Variants in ANO3 observed in about 807,000 individuals in gnomAD.
ANO3 encodes anoctamin-3.
A neutral mutation model predicts 144.8 loss-of-function variants in ANO3; 99 were observed. That is an observed-to-expected ratio of 0.68 (90% CI 0.58 to 0.81). The LOEUF (loss-of-function observed/expected upper bound fraction) is 0.81, where lower values mean the gene tolerates loss of function less well. ANO3 is among the 30% of genes least tolerant of loss of function. The pLI, the probability that ANO3 is intolerant of heterozygous loss-of-function variation, is 0.00. For missense variants in ANO3, 905 were observed against 1,202.2 expected (o/e 0.75, Z 3.66); for synonymous variants, 414 against 392.6 (o/e 1.05, Z -0.64).
chr11:26,388,535 A>G (rs1856793066), intron 1 of ANO3, among the ~76,000 whole-genome samples: 1 of 152,224 alleles, frequency 6.6e-6, no homozygotes, highest in African/African-American at 2.4e-5. Context: ...TTTAAATATA[A>G]CAGGCAATAA....
At chr11:26,297,186 T>G (rs113715149) in intron 1 of ANO3, among the ~76,000 whole-genome samples, 67 of 147,316 alleles carry the variant, frequency 4.5e-4, no homozygotes, top group Middle Eastern at 3.5e-3. Flanking sequence ...AACCATTGCG[T>G]GTGTGTGTGT....
Position 26,358,274 on chromosome 11 carries a change from C to T in ANO3, c.46+25953C>T, listed in dbSNP as rs576556295. Among the ~76,000 whole-genome samples the T allele has an allele frequency of 5.4e-5, 8 of 148,490 alleles. No homozygotes were observed. In the East Asian group the frequency reaches 1.2e-3, roughly 22 times the overall value. ...GCAACCTCCGCCTCCTGGGTTCAAGCGATTCTCCTGCCTCAGCGTCCTGAG... is the reference window on the plus strand; with the variant it reads ...GCAACCTCCGCCTCCTGGGTTCAAGTGATTCTCCTGCCTCAGCGTCCTGAG... On this transcript the variant is annotated intron_variant, in intron 1 of 26. Coordinates refer to ENST00000256737, the MANE Select transcript of ANO3 (RefSeq NM_031418.4).
chr11:26,341,780 GA>G (rs1278209824), intron 1 of ANO3, among the ~76,000 whole-genome samples: 1 of 152,156 alleles, frequency 6.6e-6, no homozygotes, highest in Non-Finnish European at 1.5e-5. Flanking sequence ...AAAGGCCCGG[GA>G]ATCCCTGGCA....
At chr11:26,275,309 A>C (rs1853532636) in intron 1 of ANO3, among the ~76,000 whole-genome samples, 1 of 152,152 alleles carries the variant, frequency 6.6e-6, no homozygotes, top group African/African-American at 2.4e-5. Flanking sequence ...AGAGAAAATA[A>C]AGACATATTT....
chr11:26,488,130 C>T (rs1443662765), intron 4 of ANO3, among the ~76,000 whole-genome samples: 2 of 152,164 alleles, frequency 1.3e-5, no homozygotes, highest in African/African-American at 4.8e-5. Flanking sequence ...TGCACCACTG[C>T]ACTCCAGCCT....
At chr11:26,483,359 T>C (rs1439030777) in intron 4 of ANO3, among the ~76,000 whole-genome samples, 2 of 152,186 alleles carry the variant, frequency 1.3e-5, no homozygotes, top group Admixed American at 1.3e-4. Flanking sequence ...AAATCGCATG[T>C]TGAAATGTAA....
intron 1 of ANO3, among the ~76,000 whole-genome samples, chr11:26,204,066 A>G (rs1435215367): frequency 6.6e-6 from 1 of 152,094 alleles, no homozygotes; most frequent in Admixed American, 6.6e-5. Flanking sequence ...GAGTGCCCAA[A>G]TGCCATCTTT....
rs72278856 is a variant in ANO3 at position 26,535,571 on chromosome 11, C to CTTTTTTTTT, written c.976+1030_976+1038dup. On this transcript the variant is annotated intron_variant, in intron 9 of 26. Coordinates refer to ENST00000256737, the MANE Select transcript of ANO3 (RefSeq NM_031418.4). ...AATACACTATGTTTCAAGACAGCCA[C>CTTTTTTTTT]TTTTTTTTTTTTTTTTTTTTTTTTT... 1.3e-3 allele frequency among the ~76,000 whole-genome samples: 79 copies of CTTTTTTTTT among 58,610 alleles called. 6 individuals are homozygous for CTTTTTTTTT. Among genetic ancestry groups the CTTTTTTTTT allele is most frequent in the Admixed American group, 4.2e-3 (12 of 2,878 alleles). The allele number at this position is 58,610 out of a possible 152,430, so 38.5% of individuals were successfully genotyped here.
chr11:26,473,507 C>A (rs968974398), intron 4 of ANO3, among the ~76,000 whole-genome samples: 1 of 151,626 alleles, frequency 6.6e-6, no homozygotes, highest in African/African-American at 2.4e-5. Flanking sequence ...CTCCAGTGAA[C>A]AAGAAAATGA....
rs1392232508 is a variant in ANO3 at position 26,452,374 on chromosome 11, G to A, written c.313+8538G>A. 2.0e-5 allele frequency among the ~76,000 whole-genome samples: 3 copies of A among 152,280 alleles called. No individual in the cohort carries two copies. The South Asian group carries it at 6.2e-4, about 32-fold the overall frequency. On this transcript the variant is annotated intron_variant, in intron 3 of 26. Coordinates refer to ENST00000256737, the MANE Select transcript of ANO3 (RefSeq NM_031418.4). ...GTATAACTAGAATAACCAATACAGA[G>A]AAGTGCTTAAAGGAGCTGATGGAGC...
intron 1 of ANO3, among the ~76,000 whole-genome samples, chr11:26,379,636 A>T (rs779529892): frequency 2.6e-5 from 4 of 151,948 alleles, no homozygotes; most frequent in Non-Finnish European, 5.9e-5. Context: ...GCAAAAAAGA[A>T]AAAAAAATGA....
chr11:26,563,268 A>C (rs774787448), intron 14 of ANO3: 1 of 1,586,944 alleles, frequency 6.3e-7, no homozygotes, highest in Non-Finnish European at 8.5e-7. Flanking sequence ...TCTATTTTCT[A>C]CAGGACAAAA....
intron 5 of ANO3, among the ~76,000 whole-genome samples, chr11:26,515,589 T>G (rs1861831111): frequency 6.6e-6 from 1 of 151,978 alleles, no homozygotes; most frequent in Admixed American, 6.6e-5. Context: ...CTGCTTAGAA[T>G]TTGGGGCTAT....
At chr11:26,636,796 C>G (rs1852974013) in intron 20 of ANO3, among the ~76,000 whole-genome samples, 1 of 152,230 alleles carries the variant, frequency 6.6e-6, no homozygotes, top group Non-Finnish European at 1.5e-5. Context: ...TGATTGCTGG[C>G]TCACACTTCT....
chr11:26,189,437 G>A, intron 1 of ANO3: 2 of 615,742 alleles, frequency 3.2e-6, no homozygotes, highest in Non-Finnish European at 4.1e-6. Flanking sequence ...ATTTTCTGGT[G>A]GTATAGCTGA....
At chr11:26,512,369 C>T (rs758527431) in intron 5 of ANO3, among the ~76,000 whole-genome samples, 3 of 152,180 alleles carry the variant, frequency 2.0e-5, no homozygotes, top group African/African-American at 7.2e-5. Context: ...CTCTGAGGAG[C>T]TTGCCTTCAT....
intron 14 of ANO3, among the ~76,000 whole-genome samples, chr11:26,585,599 A>G (rs1210094531): frequency 6.6e-6 from 1 of 151,804 alleles, no homozygotes; most frequent in Non-Finnish European, 1.5e-5. Flanking sequence ...CTATCTACCT[A>G]TCTCCAGGAT....
chr11:26,349,420 A>G (rs955377840), intron 1 of ANO3, among the ~76,000 whole-genome samples: 4 of 152,346 alleles, frequency 2.6e-5, no homozygotes, highest in African/African-American at 7.2e-5. Context: ...TCTCAAGTAT[A>G]TAGAATTATT....
chr11:26,198,528 A>G (rs954089399), intron 1 of ANO3, among the ~76,000 whole-genome samples: 4 of 152,224 alleles, frequency 2.6e-5, no homozygotes, highest in Admixed American at 2.6e-4. Flanking sequence ...AAGAAATTAT[A>G]AAGAAAGACA....
Sources: gnomAD v4.1 joint callset for allele counts (sites outside exome capture counted in the v4.1 genomes callset) on GRCh38, gnomAD v4.1.1 for gene constraint, MANE v1.5 for transcripts, NCBI Gene and HGNC (gene_info 2026-07-23, HGNC 2026-07-21) for gene names.